Variants in ERICH2 observed in about 807,000 individuals in gnomAD.
The protein encoded by ERICH2 is glutamate rich 2.
ERICH2 carries 17 observed loss-of-function variants against 17.4 expected under a neutral mutation model. The observed-to-expected ratio is 0.98, with a 90% confidence interval of 0.67 to 1.47. The LOEUF (loss-of-function observed/expected upper bound fraction) is 1.47. ERICH2 is among the 40% of genes most tolerant of loss of function. The probability of loss-of-function intolerance (pLI) is 0.00; values close to 1 mark genes in which losing one functional copy is unlikely to be tolerated. For missense variants in ERICH2, 186 were observed against 183.2 expected (o/e 1.01, Z -0.09); for synonymous variants, 51 against 61.1 (o/e 0.83, Z 0.77).
upstream of ERICH2, among the ~76,000 whole-genome samples, chr2:170,780,521 T>A (rs2105682828): frequency 6.6e-6 from 1 of 152,342 alleles, no homozygotes; most frequent in South Asian, 2.1e-4. Context: ...CCTCCATGTG[T>A]GTTTCATTAA....
chr2:170,771,429 T>G, the ERICH2 span: 1 of 151,990 alleles, frequency 6.6e-6, no homozygotes, highest in African/African-American at 2.4e-5. The surrounding 1 kb of genome is among the most constrained non-coding windows in gnomAD (Gnocchi z 4.8). Flanking sequence ...TCGGAAGAGG[T>G]GAGGAAGCGC....
chr2:170,779,389 G>A (rs1362488), upstream of ERICH2, among the ~76,000 whole-genome samples: 37,522 of 152,036 alleles, frequency 0.25, 5,077 homozygotes, highest in South Asian at 0.33. Context: ...TCCAGTCCCA[G>A]CCACAAGAAG....
chr2:170,797,980 C>A, intron 3 of ERICH2, 61 bp from the exon 9 acceptor site: 1 of 1,121,620 alleles, frequency 8.9e-7, no homozygotes, highest in Non-Finnish European at 1.3e-6. Context: ...TTCTAAGGAG[C>A]CTGTTTGCTG....
intron 3 of ERICH2, among the ~76,000 whole-genome samples, chr2:170,797,449 A>G (rs571469636): frequency 1.8e-4 from 27 of 152,166 alleles, no homozygotes; most frequent in Non-Finnish European, 4.0e-4. Context: ...CTACTGTCCT[A>G]TGAGGGAAGC....
chr2:170,797,808 A>G (rs1463482359), intron 3 of ERICH2, among the ~76,000 whole-genome samples: 7 of 149,834 alleles, frequency 4.7e-5, no homozygotes, highest in African/African-American at 1.5e-4. Flanking sequence ...AAAAAAAAAA[A>G]AAAAAAGAAA....
chr2:170,792,914 C>G, exon 3 of ERICH2: 2 of 1,504,772 alleles, frequency 1.3e-6, no homozygotes, highest in Non-Finnish European at 1.8e-6. Context: ...AAAATTATGT[C>G]AGATGAGTAA....
At chr2:170,794,323 G>A (rs1417938611) in intron 3 of ERICH2, among the ~76,000 whole-genome samples, 1 of 151,746 alleles carries the variant, frequency 6.6e-6, no homozygotes, top group Non-Finnish European at 1.5e-5. Context: ...GGCCAGGCTG[G>A]TCTCGAACTC....
At chr2:170,785,733 A>T (rs535956827) in intron 2 of ERICH2, among the ~76,000 whole-genome samples, 1 of 152,294 alleles carries the variant, frequency 6.6e-6, no homozygotes, top group Non-Finnish European at 1.5e-5. Flanking sequence ...AGGCAAGTAT[A>T]GAATTCATCT....
intron 3 of ERICH2, among the ~76,000 whole-genome samples, chr2:170,794,113 T>C (rs1003189410): frequency 3.6e-5 from 5 of 140,158 alleles, no homozygotes; most frequent in African/African-American, 1.3e-4. Flanking sequence ...TTCTTTTTTT[T>C]TTTTTTTTTT....
chr2:170,775,270 TAAA>T, the ERICH2 span, among the ~76,000 whole-genome samples: 1 of 137,280 alleles, frequency 7.3e-6, no homozygotes, highest in East Asian at 2.1e-4. Context: ...TCTTCAAAAA[TAAA>T]AAAAAAAAAA....
intron 3 of ERICH2, among the ~76,000 whole-genome samples, chr2:170,796,426 T>G (rs150504482): frequency 2.7e-3 from 22 of 8,082 alleles, no homozygotes; most frequent in Non-Finnish European, 0.021. Context: ...CTCTCTCTCT[T>G]TGTTTTTTTT....
At chr2:170,793,761 A>T (rs1350127591) in intron 3 of ERICH2, among the ~76,000 whole-genome samples, 2 of 152,134 alleles carry the variant, frequency 1.3e-5, no homozygotes, top group African/African-American at 2.4e-5. Context: ...CAATGATATG[A>T]TCTACCTTAT....
At chr2:170,794,830 C>T (rs906478531) in intron 3 of ERICH2, among the ~76,000 whole-genome samples, 1 of 152,228 alleles carries the variant, frequency 6.6e-6, no homozygotes, top group South Asian at 2.1e-4. Flanking sequence ...GGATAGAGTA[C>T]TTCTAGATCA....
At chr2:170,780,009 A>G (rs1184938057), upstream of ERICH2, 1 of 219,290 alleles carries the variant, frequency 4.6e-6, no homozygotes, top group Non-Finnish European at 7.7e-6. Context: ...GGGACACTAA[A>G]TATACCCAAC....
At chr2:170,782,453 G>A (rs1206154070), upstream of ERICH2, 3 of 811,964 alleles carry the variant, frequency 3.7e-6, no homozygotes, top group Non-Finnish European at 4.5e-6. Context: ...CCTTTTCTGC[G>A]ACCTTTGGGA....
chr2:170,775,431 CAAAAT>C, the ERICH2 span, among the ~76,000 whole-genome samples: 9 of 151,500 alleles, frequency 5.9e-5, no homozygotes, highest in African/African-American at 2.2e-4. Context: ...GACTCTGTCT[CAAAAT>C]AATAATATTA....
chr2:170,795,948 A>G (rs1187022964), intron 3 of ERICH2, among the ~76,000 whole-genome samples: 1 of 152,210 alleles, frequency 6.6e-6, no homozygotes, highest in Non-Finnish European at 1.5e-5. Context: ...TTATATGTCT[A>G]ATGCAAATAC....
Position 170,786,139 on chromosome 2 carries a change from A to T in ERICH2, c.216+1306A>T, listed in dbSNP as rs78989254. Among the ~76,000 whole-genome samples, 593 of 152,098 alleles carry T rather than the reference A, an allele frequency of 3.9e-3. 5 individuals are homozygous for T. Among genetic ancestry groups the T allele is most frequent in the African/African-American group, 0.013 (545 of 41,534 alleles). ...ATTTCTGGATCATAGCTTTCTGTAG[A>T]TCCCAATTTCTACCTGATATCACTT... On this transcript the variant is annotated intron_variant, in intron 2 of 4. Coordinates refer to ENST00000409885, the Ensembl canonical transcript of ERICH2.
At chr2:170,792,246 T>C (rs1317854777) in intron 2 of ERICH2, among the ~76,000 whole-genome samples, 3 of 152,188 alleles carry the variant, frequency 2.0e-5, no homozygotes, top group African/African-American at 7.2e-5. Flanking sequence ...AAAATAATAC[T>C]TGAAAGAATA....
Sources: gnomAD v4.1 joint callset for allele counts (sites outside exome capture counted in the v4.1 genomes callset) on GRCh38, gnomAD v4.1.1 for gene constraint, Gnocchi (gnomAD v3.1) non-coding constraint, MANE v1.5 for transcripts, NCBI Gene and HGNC (gene_info 2026-07-23, HGNC 2026-07-21) for gene names.